COL5A2: variants seen among roughly 807,000 people sequenced by gnomAD.
COL5A2 encodes the protein collagen type V alpha 2 chain, also known as collagen alpha-2(V) chain.
COL5A2 carries 23 observed loss-of-function variants against 208.2 expected under a neutral mutation model. The observed-to-expected ratio is 0.11, with a 90% CI of 0.08 to 0.16. The LOEUF is 0.16. Among genes scored for constraint, COL5A2 ranks in the 10% least tolerant of loss-of-function variants. The probability of loss-of-function intolerance (pLI) is 1.00; values close to 1 mark genes in which losing one functional copy is unlikely to be tolerated. For synonymous variants in COL5A2, 625 were observed against 628.5 expected, an observed-to-expected ratio of 0.99 and a Z score of 0.08; for missense variants, 1,590 against 1,956.4, an observed-to-expected ratio of 0.81 and a Z score of 3.53.
chr2:189,210,801 G>GTCTAAATA (rs1689203297), intron 1 of COL5A2, among the ~76,000 whole-genome samples: 1 of 152,184 alleles, frequency 6.6e-6, no homozygotes, highest in Non-Finnish European at 1.5e-5. Context: ...GTTCAAATGT[G>GTCTAAATA]TCTAAATATT....
the COL5A2 span, among the ~76,000 whole-genome samples, chr2:189,395,617 CTGGTGGCTGGGCA>C: frequency 1.1e-4 from 17 of 151,848 alleles, no homozygotes; most frequent in Non-Finnish European, 2.4e-4. Context: ...TAAGAAGCTC[CTGGTGGCTGGGCA>C]TGGTGGCTCA....
chr2:189,105,406 G>A (rs1195451009), intron 2 of COL5A2, among the ~76,000 whole-genome samples: 1 of 151,428 alleles, frequency 6.6e-6, no homozygotes, highest in Non-Finnish European at 1.5e-5. Context: ...CAATCTGATA[G>A]GTAAAACATG....
the COL5A2 span, among the ~76,000 whole-genome samples, chr2:189,305,127 T>C: frequency 2.6e-5 from 4 of 152,336 alleles, no homozygotes; most frequent in South Asian, 8.3e-4. Context: ...ATGGAATATT[T>C]CACATTGCTG....
chr2:189,218,259 G>T (rs1264699611), intron 1 of COL5A2, among the ~76,000 whole-genome samples: 1 of 152,108 alleles, frequency 6.6e-6, no homozygotes, highest in Non-Finnish European at 1.5e-5. Context: ...TAGAAATAAG[G>T]CCTTTGCAAA....
the COL5A2 span, among the ~76,000 whole-genome samples, chr2:189,276,031 A>G: frequency 6.6e-6 from 1 of 152,192 alleles, no homozygotes; most frequent in African/African-American, 2.4e-5. Flanking sequence ...GAGGTTTAAC[A>G]TTATGAAATT....
Position 189,033,067 on chromosome 2 carries a change from C to T in COL5A2, c.*1003G>A, listed in dbSNP as rs1412169276. 1 of 152,496 alleles carries T rather than the reference C, an allele frequency of 6.6e-6. No individual in the cohort carries two copies. Among genetic ancestry groups the T allele is most frequent in the Non-Finnish European group, 1.5e-5 (1 of 67,996 alleles). 9.4% of individuals were successfully genotyped at this position (152,496 alleles called of 1,614,324 possible). On this transcript the variant is annotated 3_prime_UTR_variant, in exon 54 of 54. Transcript: ENST00000374866. ...CATTTTTCCTATGAAAGTTCAAAGG[C>T]CAAATGGTCTAATTCCAATCATCAC...
At chr2:189,368,541 C>A in the COL5A2 span, among the ~76,000 whole-genome samples, 1 of 152,178 alleles carries the variant, frequency 6.6e-6, no homozygotes, top group South Asian at 2.1e-4. Flanking sequence ...TGTTAATATA[C>A]TTTCCTTCAT....
chr2:189,432,549 G>T, the COL5A2 span, among the ~76,000 whole-genome samples: 1 of 152,112 alleles, frequency 6.6e-6, no homozygotes, highest in African/African-American at 2.4e-5. Context: ...TGATAAAACA[G>T]ACTTTAAACC....
chr2:189,218,809 T>A (rs754136503), intron 1 of COL5A2, among the ~76,000 whole-genome samples: 2 of 152,160 alleles, frequency 1.3e-5, no homozygotes, highest in African/African-American at 2.4e-5. Context: ...GTCAACAGTA[T>A]GCTTGATATT....
the COL5A2 span, among the ~76,000 whole-genome samples, chr2:189,293,392 T>A: frequency 6.6e-6 from 1 of 152,160 alleles, no homozygotes; most frequent in East Asian, 1.9e-4. Context: ...CCAGTTAACT[T>A]TTCCCTCAGC....
the COL5A2 span, among the ~76,000 whole-genome samples, chr2:189,299,312 G>C: frequency 6.6e-6 from 1 of 152,104 alleles, no homozygotes; most frequent in Non-Finnish European, 1.5e-5. Flanking sequence ...TTAATTTAAA[G>C]AGGTCCTGAT....
the COL5A2 span, among the ~76,000 whole-genome samples, chr2:189,317,612 C>A: frequency 3.9e-5 from 6 of 152,070 alleles, no homozygotes; most frequent in East Asian, 9.6e-4. Context: ...ACCAAATTTA[C>A]AAAACCACTC....
At chr2:189,216,154 G>A (rs1689275590) in intron 1 of COL5A2, among the ~76,000 whole-genome samples, 1 of 152,082 alleles carries the variant, frequency 6.6e-6, no homozygotes. Context: ...AAGAAAGCAA[G>A]TCAAATTAAT....
the COL5A2 span, among the ~76,000 whole-genome samples, chr2:189,344,118 T>C: frequency 6.6e-6 from 1 of 152,158 alleles, no homozygotes; most frequent in Non-Finnish European, 1.5e-5. Context: ...GAAATGTGTA[T>C]ACACACACAT....
At chr2:189,388,051 C>T in the COL5A2 span, among the ~76,000 whole-genome samples, 8 of 152,132 alleles carry the variant, frequency 5.3e-5, no homozygotes, top group Non-Finnish European at 1.2e-4. Context: ...TCCCAAAATG[C>T]TAGAATTACA....
chr2:189,166,882 T>C (rs913883879), intron 1 of COL5A2, among the ~76,000 whole-genome samples: 1 of 152,194 alleles, frequency 6.6e-6, no homozygotes, highest in Non-Finnish European at 1.5e-5. Flanking sequence ...CTGGACTATA[T>C]TAGCTCCCCA....
At position 189,082,630 on chromosome 2, in the gene COL5A2, C is replaced by T. The variant is rs540039906; in HGVS notation, c.852+1354G>A. Among the ~76,000 whole-genome samples, 3 of 152,298 alleles carry T rather than the reference C, an allele frequency of 2.0e-5. No homozygotes were observed. The South Asian group carries it at 6.2e-4, about 32-fold the overall frequency. On this transcript the variant is annotated intron_variant, in intron 12 of 53. Transcript: ENST00000374866. Reference sequence around the variant, plus strand: ...ATGTGATTACATATCCCTAATGTAACAAGAAAATGAACCAGATGTCCTAAT... The same window carrying T: ...ATGTGATTACATATCCCTAATGTAATAAGAAAATGAACCAGATGTCCTAAT...
chr2:189,383,687 C>T, the COL5A2 span, among the ~76,000 whole-genome samples: 1 of 152,022 alleles, frequency 6.6e-6, no homozygotes, highest in Non-Finnish European at 1.5e-5. Flanking sequence ...AATAAGCATA[C>T]AATGTGTAAT....
intron 45 of COL5A2, among the ~76,000 whole-genome samples, chr2:189,046,203 T>C (rs1056772523): frequency 2.6e-5 from 4 of 152,152 alleles, no homozygotes; most frequent in African/African-American, 4.8e-5. Flanking sequence ...TAACATGTTT[T>C]CTAGAGCACC....
Sources: gnomAD v4.1 joint callset for allele counts (sites outside exome capture counted in the v4.1 genomes callset) on GRCh38, gnomAD v4.1.1 for gene constraint, MANE v1.5 for transcripts, NCBI Gene and HGNC (gene_info 2026-07-23, HGNC 2026-07-21) for gene names.